KRTAP9-7: variants seen among roughly 807,000 people sequenced by gnomAD.
The protein encoded by KRTAP9-7 is keratin associated protein 9-7.
For synonymous variants in KRTAP9-7, 68 were observed against 72.5 expected, an observed-to-expected ratio of 0.94 and a Z score of 0.32; for missense variants, 157 against 198.3, an observed-to-expected ratio of 0.79 and a Z score of 1.25.
chr17:41,276,145 T>C, exon 1 of KRTAP9-7: 1 of 1,614,148 alleles, frequency 6.2e-7, no homozygotes, highest in Non-Finnish European at 8.5e-7. Context: ...GACTACCTGC[T>C]GCAGGACCAC....
chr17:41,276,197 C>T (rs1042012453), exon 1 of KRTAP9-7: 16 of 1,613,876 alleles, frequency 9.9e-6, no homozygotes, highest in South Asian at 3.3e-5. Flanking sequence ...TGTCAGCCTG[C>T]TTGCTGCTGA....
At chr17:41,276,046 C>T (rs748635483) in exon 1 of KRTAP9-7, 11 of 1,613,644 alleles carry the variant, frequency 6.8e-6, no homozygotes, top group South Asian at 5.5e-5. Context: ...AACCTGCTAC[C>T]ACCCCACGAG....
Position 41,275,932 on chromosome 17 carries a change from C to A in KRTAP9-7, c.235C>A (p.Pro79Thr), listed in dbSNP as rs753864668. 5.6e-5 allele frequency: 90 copies of A among 1,609,826 alleles called. No individual in the cohort carries two copies. In the Middle Eastern group the frequency reaches 1.8e-3, roughly 33 times the overall value. Residue 79 changes from proline to threonine, a missense_variant, in exon 1 of 1, where the codon CCC becomes ACC. Coordinates refer to ENST00000391354, the Ensembl canonical transcript of KRTAP9-7. ...CTGCCAGCCTTCCTGCTGCAGCACA[C>A]CCTGCTGCCAGCCCATCTGCTGTGG...
chr17:41,276,150 G>A (rs755241197), exon 1 of KRTAP9-7: 135 of 1,613,970 alleles, frequency 8.4e-5, no homozygotes, highest in South Asian at 2.5e-4. Context: ...CCTGCTGCAG[G>A]ACCACTTGCT....
At chr17:41,276,063 C>T in exon 1 of KRTAP9-7, 3 of 1,613,728 alleles carry the variant, frequency 1.9e-6, no homozygotes, top group South Asian at 1.1e-5. Context: ...CGAGTGTCTA[C>T]CTGCCTGGTT....
At chr17:41,275,883 C>T (rs1284786346) in exon 1 of KRTAP9-7, 1 of 1,611,236 alleles carries the variant, frequency 6.2e-7, no homozygotes, top group Admixed American at 1.7e-5. Flanking sequence ...CCACCTGCTG[C>T]CAGCCCACCT....
In KRTAP9-7 at chr17:41,275,810, G is replaced by C. The variant is rs778867783; in HGVS notation, c.113G>C (p.Cys38Ser). ...ACACCCTGCTGCCAGCCCTCCTGCT[G>C]TGTGTCCAGCTGCTGCCAGCCTTGC... Residue 38 changes from cysteine to serine, a missense_variant, in exon 1 of 1, where the codon TGT becomes TCT. Physicochemically the swap from Cys to Ser is moderately radical, Grantham distance 112. Transcript: ENST00000391354. The C allele has an allele frequency of 9.5e-6, 15 of 1,578,584 alleles. No individual in the cohort carries two copies. In the South Asian group the frequency reaches 1.5e-4, roughly 15 times the overall value.
At chr17:41,276,093 C>A (rs750404693) in exon 1 of KRTAP9-7, 8 of 1,612,594 alleles carry the variant, frequency 5.0e-6, no homozygotes, top group Middle Eastern at 1.7e-4. Context: ...AGAGCTGTGG[C>A]TCCAGCTGCT....
chr17:41,276,128 G>T (rs763880903), exon 1 of KRTAP9-7: 4 of 1,613,894 alleles, frequency 2.5e-6, no homozygotes, highest in Non-Finnish European at 3.4e-6. Flanking sequence ...CGCCCAGCCT[G>T]CTGTGAGACT....
exon 1 of KRTAP9-7, chr17:41,275,942 A>G: frequency 5.0e-6 from 8 of 1,612,124 alleles, no homozygotes; most frequent in Non-Finnish European, 6.8e-6. Context: ...CCCTGCTGCC[A>G]GCCCATCTGC....
chr17:41,275,957 G>A lies in KRTAP9-7; in HGVS notation c.260G>A (p.Gly87Glu). 4 of 1,610,646 alleles carry A rather than the reference G, an allele frequency of 2.5e-6. No homozygotes were observed. The Admixed American group carries it at 5.0e-5, about 20-fold the overall frequency. Reference sequence around the variant, plus strand: ...CCCTGCTGCCAGCCCATCTGCTGTGGGTCCAGCTGCTGTGGCCAAACCAGC... The same window carrying A: ...CCCTGCTGCCAGCCCATCTGCTGTGAGTCCAGCTGCTGTGGCCAAACCAGC... Residue 87 changes from glycine (G) to glutamate (E), a missense_variant, in exon 1 of 1, where the codon GGG (glycine) becomes GAG (glutamate). Gly to Glu is a moderately conservative substitution (Grantham distance 98). Transcript: ENST00000391354.
chr17:41,276,193 C>T, exon 1 of KRTAP9-7: 2 of 1,614,042 alleles, frequency 1.2e-6, no homozygotes, highest in Non-Finnish European at 1.7e-6. Context: ...CTGCTGTCAG[C>T]CTGCTTGCTG....
exon 1 of KRTAP9-7, chr17:41,275,966 G>T: frequency 6.2e-7 from 1 of 1,613,306 alleles, no homozygotes. Context: ...GGGTCCAGCT[G>T]CTGTGGCCAA....
At chr17:41,276,002 A>G (rs772959049) in exon 1 of KRTAP9-7, 1 of 1,613,988 alleles carries the variant, frequency 6.2e-7, no homozygotes, top group Non-Finnish European at 8.5e-7. Context: ...AGCTGCTGCC[A>G]GCCCAGCTCC....
chr17:41,276,061 T>A (rs1235233645), exon 1 of KRTAP9-7: 3 of 1,613,038 alleles, frequency 1.9e-6, no homozygotes, highest in Non-Finnish European at 2.5e-6. Context: ...CACGAGTGTC[T>A]ACCTGCCTGG....
At chr17:41,276,188 G>A in exon 1 of KRTAP9-7, 1 of 1,614,112 alleles carries the variant, frequency 6.2e-7, no homozygotes, top group South Asian at 1.1e-5. Flanking sequence ...ACCAGCTGCT[G>A]TCAGCCTGCT....
chr17:41,276,070 G>A (rs1489956766), exon 1 of KRTAP9-7: 1 of 1,612,266 alleles, frequency 6.2e-7, no homozygotes, highest in Non-Finnish European at 8.5e-7. Flanking sequence ...CTACCTGCCT[G>A]GTTGCCTAAA....
chr17:41,276,098 G>A (rs766464097), exon 1 of KRTAP9-7: 20 of 1,613,248 alleles, frequency 1.2e-5, no homozygotes, highest in East Asian at 2.2e-5. Context: ...TGTGGCTCCA[G>A]CTGCTGCCAG....
At chr17:41,276,014 G>A in exon 1 of KRTAP9-7, 2 of 1,614,074 alleles carry the variant, frequency 1.2e-6, no homozygotes, top group South Asian at 2.2e-5. Context: ...CCCAGCTCCT[G>A]TGCACCCATC....
Sources: gnomAD v4.1 joint callset for allele counts on GRCh38, gnomAD v4.1.1 for gene constraint, MANE v1.5 for transcripts, NCBI Gene and HGNC (gene_info 2026-07-23, HGNC 2026-07-21) for gene names.